KIT: variants seen among roughly 807,000 people sequenced by gnomAD.
KIT encodes the protein KIT proto-oncogene, receptor tyrosine kinase, also known as mast/stem cell growth factor receptor Kit.
Under a neutral mutation model 105.7 loss-of-function variants are expected in KIT, and 16 were observed. That is an observed-to-expected ratio of 0.15 (90% CI 0.10 to 0.23). The LOEUF is 0.23. Ranked by LOEUF, KIT falls within the 10% of genes least tolerant of loss-of-function variation. The pLI is 1.00. For missense variants in KIT, 858 were observed against 1,213.8 expected, an observed-to-expected ratio of 0.71 and a Z score of 4.36; for synonymous variants, 438 against 441.1, an observed-to-expected ratio of 0.99 and a Z score of 0.09.
At chr4:54,730,091 G>C (rs542541998) in intron 14 of KIT, among the ~76,000 whole-genome samples, 2 of 152,198 alleles carry the variant, frequency 1.3e-5, no homozygotes, top group South Asian at 4.1e-4. Flanking sequence ...ATGCCATTCT[G>C]AATTTGAATC....
intron 17 of KIT, among the ~76,000 whole-genome samples, chr4:54,735,699 C>T (rs1186959153): frequency 1.3e-5 from 2 of 152,132 alleles, no homozygotes; most frequent in Non-Finnish European, 2.9e-5. Flanking sequence ...TTTTGTTTTA[C>T]AGAAGAAGAT....
chr4:54,739,466 A>AG lies in KIT; in HGVS notation c.*910dup, dbSNP rs1204868822. 1.3e-5 allele frequency: 3 copies of AG among 233,404 alleles called. No homozygotes were observed. The highest frequency in any genetic ancestry group is 6.6e-5 in the African/African-American group (3 of 45,346). 14.5% of individuals were successfully genotyped at this position (233,404 alleles called of 1,614,324 possible). A position where few individuals can be genotyped will look rare whatever the true frequency, so the allele number is the denominator to read the frequency against. ...CTTATTCTGTAGATTCTGTGGAACA[A>AG]GCCTATCAGCTTCAGAATGGCATTG... On this transcript the variant is annotated 3_prime_UTR_variant, in exon 21 of 21. Coordinates refer to ENST00000288135, the MANE Select transcript of KIT (RefSeq NM_000222.3).
intron 17 of KIT, among the ~76,000 whole-genome samples, 185 bp from the exon 18 acceptor site, chr4:54,736,313 G>T (rs907003187): frequency 1.5e-4 from 23 of 152,196 alleles, no homozygotes; most frequent in African/African-American, 4.1e-4. Context: ...TAATGCACTT[G>T]TGAGCCATGT....
At chr4:54,738,302 T>C in intron 20 of KIT, 127 bp from the exon 21 acceptor site, 1 of 1,182,408 alleles carries the variant, frequency 8.5e-7, no homozygotes, top group Non-Finnish European at 1.3e-6. Context: ...GCCACAAAGT[T>C]CTTGGAAACC....
At chr4:54,696,051 A>T (rs1437355318) in intron 2 of KIT, 2 of 522,756 alleles carry the variant, frequency 3.8e-6, no homozygotes, top group African/African-American at 3.8e-5. Context: ...TGGTGCTTTG[A>T]GTAAACCCTG....
intron 1 of KIT, among the ~76,000 whole-genome samples, chr4:54,687,712 G>A (rs73135828): frequency 0.054 from 8,234 of 152,014 alleles, 672 homozygotes; most frequent in African/African-American, 0.17. Flanking sequence ...ACCCCTTCAT[G>A]CTTTGAGAAC....
intron 1 of KIT, among the ~76,000 whole-genome samples, chr4:54,683,191 A>C (rs1053313584): frequency 1.3e-5 from 2 of 152,336 alleles, no homozygotes; most frequent in East Asian, 3.9e-4. Flanking sequence ...TAGAATTGTT[A>C]GTGGCTTTAG....
rs1163793029 is a variant in KIT, at chr4:54,739,008, TAG to T, written c.*453_*454del. On this transcript the variant is annotated 3_prime_UTR_variant, in exon 21 of 21. Transcript: ENST00000288135. Reference sequence around the variant, plus strand: ...CTTTATGTGGAAAACAGAACATCATTAGAACAAAGGACAGAGTATGAACACCT... The same window carrying T: ...CTTTATGTGGAAAACAGAACATCATTAACAAAGGACAGAGTATGAACACCT... 2.4e-5 allele frequency: 12 copies of T among 490,802 alleles called. No individual in the cohort carries two copies. The highest frequency in any genetic ancestry group is 3.5e-6 in the Non-Finnish European group (1 of 281,934). The allele number at this position is 490,802 out of a possible 1,614,324, so 30.4% of individuals were successfully genotyped here.
rs878853764 is a variant in KIT, at chr4:54,731,974, C to T, written c.2337C>T (p.Gly779=). 5 of 1,612,890 alleles carry T rather than the reference C, an allele frequency of 3.1e-6. No homozygotes were observed. The highest frequency in any genetic ancestry group is 3.3e-4 in the Middle Eastern group (2 of 6,040). The change falls in exon 16 of 21, where the codon GGC becomes GGT. Residue 779 remains glycine (G), a synonymous_variant. Coordinates refer to ENST00000288135, the MANE Select transcript of KIT (RefSeq NM_000222.3). The part of the protein sequence containing the change: ...LLSFSYQVAK[G]MAFLASKNCI... ...GCTTTTCTTACCAGGTGGCAAAGGG[C>T]ATGGCTTTCCTCGCCTCCAAGAATG...
rs779103998 is a variant in KIT, at chr4:54,738,463, G to T, written c.2837G>T (p.Arg946Leu). The change falls in exon 21 of 21, where the codon CGA (arginine) becomes CTA (leucine). Residue 946 changes from arginine (R) to leucine (L), a missense_variant. Physicochemically the swap from Arg to Leu is moderately radical, Grantham distance 102 (BLOSUM62 -2). Around this residue, in one of 7 missense-constraint regions of KIT, gnomAD observed 105 missense variants for 103.5 expected, o/e 1.01. Coordinates refer to ENST00000288135, the MANE Select transcript of KIT (RefSeq NM_000222.3). ...AACTTAGCAAACTGCAGCCCCAACC[G>T]ACAGAAGCCCGTGGTAGACCATTCT... ...YSNLANCSPN[R>L]QKPVVDHSVR... The T allele has an allele frequency of 6.2e-7, 1 of 1,614,066 alleles. No homozygotes were observed. Among genetic ancestry groups the T allele is most frequent in the Non-Finnish European group, 8.5e-7 (1 of 1,179,994 alleles).
chr4:54,732,996 T>C (rs2109800391), intron 16 of KIT, 74 bp from the exon 17 acceptor site: 1 of 1,293,866 alleles, frequency 7.7e-7, no homozygotes, highest in South Asian at 1.2e-5. Context: ...CACTATAGTA[T>C]TAAAAAGTTA....
intron 1 of KIT, among the ~76,000 whole-genome samples, chr4:54,691,900 G>A (rs1023024323): frequency 2.0e-5 from 3 of 152,088 alleles, no homozygotes; most frequent in African/African-American, 4.8e-5. Flanking sequence ...CTGCCCGAGA[G>A]GGGGAAGTCA....
intron 1 of KIT, among the ~76,000 whole-genome samples, chr4:54,672,379 G>A (rs761497084): frequency 1.3e-5 from 2 of 151,580 alleles, no homozygotes; most frequent in African/African-American, 4.9e-5. Flanking sequence ...TGTACCTTTG[G>A]GTATTTGTGA....
chr4:54,687,334 A>T (rs553766061), intron 1 of KIT, among the ~76,000 whole-genome samples: 5 of 152,150 alleles, frequency 3.3e-5, no homozygotes, highest in African/African-American at 1.2e-4. Flanking sequence ...GCTACTTGAG[A>T]GGCTGAGGTG....
intron 9 of KIT, 144 bp from the exon 10 acceptor site, chr4:54,727,074 C>T: frequency 2.7e-6 from 2 of 750,786 alleles, no homozygotes; most frequent in Middle Eastern, 2.8e-4. Context: ...ACAATGTAAC[C>T]AAGGTGAAGC....
At position 54,725,914 on chromosome 4, in the gene KIT, G is replaced by C. The variant is rs767079772; in HGVS notation, c.1404G>C (p.Pro468=). ...AGACACTAAACTCATCTGGGCCACCGTTTGGAAAGCTAGTGGTTCAGAGTT... is the reference window on the plus strand; with the variant it reads ...AGACACTAAACTCATCTGGGCCACCCTTTGGAAAGCTAGTGGTTCAGAGTT... ...DVQTLNSSGP[P]FGKLVVQSSI... The change falls in exon 9 of 21, where the codon CCG becomes CCC. Residue 468 remains proline, a synonymous_variant. Coordinates refer to ENST00000288135, the MANE Select transcript of KIT (RefSeq NM_000222.3). 1.2e-6 allele frequency: 2 copies of C among 1,614,004 alleles called. No homozygotes were observed. The highest frequency in any genetic ancestry group is 1.1e-5 in the South Asian group (1 of 91,080).
chr4:54,736,959 G>A, intron 19 of KIT, 139 bp downstream of exon 19: 1 of 752,314 alleles, frequency 1.3e-6, no homozygotes, highest in Non-Finnish European at 2.4e-6. Context: ...CTGGTCAAAT[G>A]TCATTTCTGT....
rs563925733 is a variant in KIT at position 54,710,168 on chromosome 4, A to G, written c.1231+629A>G. 6.6e-5 allele frequency among the ~76,000 whole-genome samples: 10 copies of G among 152,290 alleles called. No individual in the cohort carries two copies. The South Asian group carries it at 2.1e-3, about 32-fold the overall frequency. On this transcript the variant is annotated intron_variant, in intron 7 of 20. Transcript: ENST00000288135. ...CTGCAGCCCACCATGTCTTAGAGAA[A>G]TGTCTGCTCTGAAGTTGAGGCCAAG...
At chr4:54,688,193 G>A (rs79006613) in intron 1 of KIT, among the ~76,000 whole-genome samples, 2,781 of 152,198 alleles carry the variant, frequency 0.018, 74 homozygotes, top group African/African-American at 0.061. Flanking sequence ...CTCTTTGTTT[G>A]TAAAGCCTCA....
Sources: gnomAD v4.1 joint callset for allele counts (sites outside exome capture counted in the v4.1 genomes callset) on GRCh38, gnomAD v4.1.1 for gene constraint, gnomAD v4.1.1 regional missense constraint, MANE v1.5 for transcripts, NCBI Gene and HGNC (gene_info 2026-07-23, HGNC 2026-07-21) for gene names.